CFDP1: variants seen among roughly 807,000 people sequenced by gnomAD.
CFDP1 encodes the protein chromatin remodeling protein CFDP1.
In CFDP1, 31 loss-of-function variants were observed where a neutral mutation model predicts 40.1. The observed-to-expected ratio is 0.77, with a 90% CI of 0.58 to 1.04. CFDP1 has a LOEUF of 1.04. Ranked by LOEUF, CFDP1 falls within the 50% of genes least tolerant of loss-of-function variation. The pLI, the probability that CFDP1 is intolerant of heterozygous loss-of-function variation, is 0.00. For missense variants in CFDP1, 423 were observed against 343.4 expected, an observed-to-expected ratio of 1.23 and a Z score of -1.83; for synonymous variants, 167 against 120.0, an observed-to-expected ratio of 1.39 and a Z score of -2.56.
chr16:75,414,784 G>T, intron 1 of CFDP1, 89 bp from the exon 2 acceptor site: 1 of 820,382 alleles, frequency 1.2e-6, no homozygotes. Flanking sequence ...TTCACACCGA[G>T]ACATTTTCAT....
intron 5 of CFDP1, among the ~76,000 whole-genome samples, chr16:75,312,328 A>G (rs145973197): frequency 6.6e-6 from 1 of 152,354 alleles, no homozygotes; most frequent in East Asian, 1.9e-4. Flanking sequence ...AAGAAGTTCC[A>G]AAGATTTTTA....
chr16:75,330,849 T>A (rs2078440674), intron 5 of CFDP1, among the ~76,000 whole-genome samples: 1 of 152,086 alleles, frequency 6.6e-6, no homozygotes, highest in Non-Finnish European at 1.5e-5. Flanking sequence ...CAAGTTCCAT[T>A]GTACATCCCC....
At chr16:75,377,432 A>G (rs1248611797) in intron 5 of CFDP1, among the ~76,000 whole-genome samples, 4 of 152,222 alleles carry the variant, frequency 2.6e-5, no homozygotes, top group East Asian at 3.8e-4. Context: ...AATCACAATT[A>G]AGATGATATC....
At chr16:75,390,745 C>CTT (rs2078941844) in intron 5 of CFDP1, among the ~76,000 whole-genome samples, 1 of 152,190 alleles carries the variant, frequency 6.6e-6, no homozygotes, top group East Asian at 1.9e-4. Flanking sequence ...TGGGGGAAGT[C>CTT]CATCACTTAA....
intron 5 of CFDP1, among the ~76,000 whole-genome samples, chr16:75,328,124 A>G (rs934054350): frequency 6.6e-6 from 1 of 151,254 alleles, no homozygotes; most frequent in African/African-American, 2.4e-5. Flanking sequence ...ATCCTCTTCT[A>G]AAACAGGAAT....
At chr16:75,374,928 G>A (rs1271505858) in intron 5 of CFDP1, among the ~76,000 whole-genome samples, 3 of 152,024 alleles carry the variant, frequency 2.0e-5, no homozygotes, top group African/African-American at 7.2e-5. Flanking sequence ...CATATAGCTA[G>A]TGACTACTCT....
At chr16:75,357,937 A>T (rs1174454746) in intron 5 of CFDP1, among the ~76,000 whole-genome samples, 1 of 152,224 alleles carries the variant, frequency 6.6e-6, no homozygotes, top group East Asian at 1.9e-4. Flanking sequence ...CTTTTGATTT[A>T]AAGTGAGAGA....
At chr16:75,335,615 G>C (rs1043501596) in intron 5 of CFDP1, among the ~76,000 whole-genome samples, 1 of 147,996 alleles carries the variant, frequency 6.8e-6, no homozygotes, top group African/African-American at 2.5e-5. Context: ...GGAGTGCAGT[G>C]GCACGATCTC....
rs145654745 is a variant in CFDP1, at chr16:75,429,942, T to TG, written c.64+3346dup. ...CCTGAGAGCACGCGCCCAAGGTGGT[T>TG]GGGGTGCAGCTTGGTTTTATATATT... is the stretch of plus-strand genomic sequence containing the variant. On this transcript the variant is annotated intron_variant, in intron 1 of 6. Transcript: ENST00000283882. 2.3e-3 allele frequency among the ~76,000 whole-genome samples: 351 copies of TG among 152,190 alleles called. 2 individuals are homozygous for TG. The highest frequency in any genetic ancestry group is 7.9e-3 in the African/African-American group (329 of 41,532).
At chr16:75,408,253 A>G (rs1001847270) in intron 4 of CFDP1, among the ~76,000 whole-genome samples, 2 of 152,156 alleles carry the variant, frequency 1.3e-5, no homozygotes, top group African/African-American at 4.8e-5. Context: ...CTTTTTTAAA[A>G]TGTATACTTC....
chr16:75,330,684 C>T (rs1342459304), intron 5 of CFDP1, among the ~76,000 whole-genome samples: 2 of 152,178 alleles, frequency 1.3e-5, no homozygotes, highest in Non-Finnish European at 2.9e-5. Context: ...GTTTTGAATT[C>T]TCTTCCTTAG....
At chr16:75,326,382 A>G (rs947977179) in intron 5 of CFDP1, among the ~76,000 whole-genome samples, 1 of 152,218 alleles carries the variant, frequency 6.6e-6, no homozygotes, top group Admixed American at 6.5e-5. Flanking sequence ...ATCTCACTCA[A>G]TACTCAGTCA....
chr16:75,371,544 T>C (rs2078751304), intron 5 of CFDP1, among the ~76,000 whole-genome samples: 1 of 152,218 alleles, frequency 6.6e-6, no homozygotes, highest in African/African-American at 2.4e-5. Context: ...GCTTCCTTTG[T>C]AGTTGGGAAA....
intron 5 of CFDP1, among the ~76,000 whole-genome samples, chr16:75,388,655 G>A (rs1354788024): frequency 6.6e-6 from 1 of 152,174 alleles, no homozygotes; most frequent in Non-Finnish European, 1.5e-5. Context: ...TTAAATATTG[G>A]CCAAATGAGG....
rs2078986034 is a variant in CFDP1, at chr16:75,395,168, G to A, written c.572C>T (p.Ser191Phe). Residue 191 changes from serine (S) to phenylalanine (F), a missense_variant, in exon 5 of 7, where the codon TCC becomes TTC. Coordinates refer to ENST00000283882, the MANE Select transcript of CFDP1 (RefSeq NM_006324.3). ...TTCTTTCTCATTCTGCTTGAAGAAG[G>A]ATTTGGCCTCTTTAGATGTAGCATC... ...EVDATSKEAK[S>F]FFKQNEKEKP... 2 of 1,613,768 alleles carry A rather than the reference G, an allele frequency of 1.2e-6. No individual in the cohort carries two copies. The highest frequency in any genetic ancestry group is 1.7e-6 in the Non-Finnish European group (2 of 1,179,842).
Position 75,433,428 on chromosome 16 carries a change from C to A in CFDP1, c.-76G>T, listed in dbSNP as rs892336651. On this transcript the variant is annotated 5_prime_UTR_variant, in exon 1 of 7. Transcript: ENST00000283882. ...CCAACGGCAAAGCTCTAGGGAGAGA[C>A]CATAGAGCCCCGGCGGCGGCGACGG... 1.4e-6 allele frequency: 2 copies of A among 1,436,410 alleles called. No individual in the cohort carries two copies. The highest frequency in any genetic ancestry group is 2.0e-5 in the Admixed American group (1 of 50,104). 89.0% of individuals were successfully genotyped at this position (1,436,410 alleles called of 1,614,324 possible). A position where few individuals can be genotyped will look rare whatever the true frequency, so the allele number is the denominator to read the frequency against.
chr16:75,302,040 G>C (rs1452096616), intron 6 of CFDP1: 1 of 152,330 alleles, frequency 6.6e-6, no homozygotes, highest in Non-Finnish European at 1.5e-5. Context: ...GTGGAATCTG[G>C]CTGGGCGAAT....
At chr16:75,308,546 T>C (rs1369168706) in intron 5 of CFDP1, among the ~76,000 whole-genome samples, 24 of 152,240 alleles carry the variant, frequency 1.6e-4, no homozygotes, top group Admixed American at 1.6e-3. Flanking sequence ...CTGTGAACAG[T>C]GAGCACTCAA....
At chr16:75,318,595 T>G (rs13339257) in intron 5 of CFDP1, among the ~76,000 whole-genome samples, 25,701 of 151,726 alleles carry the variant, frequency 0.17, 2,323 homozygotes, top group Middle Eastern at 0.22. Flanking sequence ...TAGTAGAGAC[T>G]GGGTTTCACC....
Sources: gnomAD v4.1 joint callset for allele counts (sites outside exome capture counted in the v4.1 genomes callset) on GRCh38, gnomAD v4.1.1 for gene constraint, MANE v1.5 for transcripts, NCBI Gene and HGNC (gene_info 2026-07-23, HGNC 2026-07-21) for gene names.